The following COL24A1 variants were observed in gnomAD, a reference collection of about 807,000 sequenced individuals.
The protein encoded by COL24A1 is collagen type XXIV alpha 1 chain.
A neutral mutation model predicts 253.9 loss-of-function variants in COL24A1; 224 were observed. The observed-to-expected ratio is 0.88, with a 90% CI of 0.79 to 0.99. The LOEUF is 0.99. Among genes scored for constraint, COL24A1 ranks in the 50% least tolerant of loss-of-function variants. The probability of loss-of-function intolerance (pLI) is 0.00; values close to 1 mark genes in which losing one functional copy is unlikely to be tolerated. For missense variants in COL24A1, 2,131 were observed against 2,068.5 expected, an observed-to-expected ratio of 1.03 and a Z score of -0.59; for synonymous variants, 685 against 673.7, an observed-to-expected ratio of 1.02 and a Z score of -0.26.
intron 7 of COL24A1, among the ~76,000 whole-genome samples, chr1:86,072,012 C>G (rs1701910839): frequency 6.6e-6 from 1 of 152,322 alleles, no homozygotes; most frequent in Admixed American, 6.5e-5. Flanking sequence ...TCTGTGAAAC[C>G]TGCAGACCAG....
At chr1:86,036,164 C>T (rs912647386) in intron 12 of COL24A1, among the ~76,000 whole-genome samples, 1 of 151,586 alleles carries the variant, frequency 6.6e-6, no homozygotes, top group African/African-American at 2.4e-5. Flanking sequence ...TTATTATTAT[C>T]GTTGTCGAGA....
At chr1:85,908,524 A>G in intron 27 of COL24A1, 74 bp downstream of exon 27, 1 of 843,112 alleles carries the variant, frequency 1.2e-6, no homozygotes, top group African/African-American at 1.8e-5. Flanking sequence ...AACCAACAAT[A>G]AAGCATAACA....
At chr1:85,784,767 G>C (rs1168447784) in intron 48 of COL24A1, among the ~76,000 whole-genome samples, 2 of 152,076 alleles carry the variant, frequency 1.3e-5, no homozygotes, top group Non-Finnish European at 2.9e-5. Flanking sequence ...GTCTTGCTCT[G>C]TTGCCCAGGC....
chr1:85,881,244 TATCAA>T (rs111914656), intron 32 of COL24A1, among the ~76,000 whole-genome samples: 151,672 of 151,810 alleles, frequency 1, 75,768 homozygotes, highest in Middle Eastern at 1. Context: ...TATTGATGGA[TATCAA>T]ATCAAATCAA....
At chr1:85,821,697 G>A (rs1673639236) in intron 45 of COL24A1, among the ~76,000 whole-genome samples, 1 of 152,152 alleles carries the variant, frequency 6.6e-6, no homozygotes, top group African/African-American at 2.4e-5. Flanking sequence ...GAACTAGCTT[G>A]CCTGGATTAT....
chr1:85,959,042 C>G (rs749901359), intron 24 of COL24A1, among the ~76,000 whole-genome samples: 3 of 152,010 alleles, frequency 2.0e-5, no homozygotes, highest in Non-Finnish European at 4.4e-5. Flanking sequence ...AATGACTATA[C>G]AAAAAGATTG....
chr1:86,075,060 T>G (rs146550870), intron 7 of COL24A1, among the ~76,000 whole-genome samples: 7,150 of 149,642 alleles, frequency 0.048, 234 homozygotes, highest in Middle Eastern at 0.14. Flanking sequence ...CTGAAGGAGA[T>G]AGAGACACGA....
At chr1:85,904,657 T>C (rs1684633440) in intron 28 of COL24A1, among the ~76,000 whole-genome samples, 3 of 152,198 alleles carry the variant, frequency 2.0e-5, no homozygotes, top group Admixed American at 2.0e-4. Context: ...CCATGTTTCT[T>C]ATCTAAGAAT....
chr1:85,730,647 G>C lies in COL24A1; in HGVS notation c.5044C>G (p.Gln1682Glu). 1 of 1,614,014 alleles carries C rather than the reference G, an allele frequency of 6.2e-7. No individual in the cohort carries two copies. The highest frequency in any genetic ancestry group is 8.5e-7 in the Non-Finnish European group (1 of 1,179,910). ...ATCACTGGAAGTTGATTAGGTTCCTGGGTGTGAAAAAGAAATGTTGCCTTA... is the reference window on the plus strand; with the variant it reads ...ATCACTGGAAGTTGATTAGGTTCCTCGGTGTGAAAAAGAAATGTTGCCTTA... ...WHKATFLFHT[Q>E]EPNQLPVIEV... Residue 1682 changes from glutamine to glutamate, a missense_variant, in exon 60 of 60, where the codon CAG becomes GAG. By Grantham distance (29) the Gln-to-Glu change is conservative (BLOSUM62 2). Transcript: ENST00000370571.
At chr1:85,829,165 T>C (rs1674830906) in intron 43 of COL24A1, among the ~76,000 whole-genome samples, 1 of 149,240 alleles carries the variant, frequency 6.7e-6, no homozygotes, top group Non-Finnish European at 1.5e-5. Context: ...AAGTATTTTA[T>C]TTCTCCTTCA....
In COL24A1 at chr1:85,924,035, T is replaced by C. The variant is rs921571080; in HGVS notation, c.2563-12602A>G. On this transcript the variant is annotated intron_variant, in intron 24 of 59. Coordinates refer to ENST00000370571, the MANE Select transcript of COL24A1 (RefSeq NM_152890.7). ...TACAAACTACCATCAGAGAATACTA[T>C]AAACACCTCTAGGCAAATAAACTAG... 5.3e-5 allele frequency among the ~76,000 whole-genome samples: 8 copies of C among 152,138 alleles called. No homozygotes were observed. In the South Asian group the frequency reaches 1.2e-3, roughly 24 times the overall value.
At position 85,988,256 on chromosome 1, in the gene COL24A1, A is replaced by C. The variant is rs563411673; in HGVS notation, c.2311-602T>G. ...TATGAACCATTATCTTACAAGTTCC[A>C]TCATTAATTAATAAATTGAATAAAA... On this transcript the variant is annotated intron_variant, in intron 19 of 59. Coordinates refer to ENST00000370571, the MANE Select transcript of COL24A1 (RefSeq NM_152890.7). Among the ~76,000 whole-genome samples the C allele has an allele frequency of 1.7e-4, 26 of 152,126 alleles. 2 individuals carry two copies. In the South Asian group the frequency reaches 4.3e-3, roughly 25 times the overall value.
intron 57 of COL24A1, among the ~76,000 whole-genome samples, chr1:85,743,087 T>A (rs965694413): frequency 1.1e-4 from 16 of 152,276 alleles, no homozygotes; most frequent in Middle Eastern, 3.4e-3. Flanking sequence ...AGTAATATTT[T>A]AAAAATCTGA....
At chr1:85,873,189 A>T (rs866429898) in intron 35 of COL24A1, among the ~76,000 whole-genome samples, 4 of 152,196 alleles carry the variant, frequency 2.6e-5, no homozygotes, top group Middle Eastern at 6.8e-3. Flanking sequence ...GAAACAACAA[A>T]TGCTGGAGAG....
At chr1:86,039,717 T>C (rs903137460) in intron 12 of COL24A1, among the ~76,000 whole-genome samples, 1 of 152,192 alleles carries the variant, frequency 6.6e-6, no homozygotes, top group Admixed American at 6.6e-5. Context: ...TGTCTAGAAT[T>C]AGAAACACTA....
chr1:86,016,194 C>G (rs190098015), intron 19 of COL24A1, among the ~76,000 whole-genome samples: 52 of 151,942 alleles, frequency 3.4e-4, no homozygotes, highest in African/African-American at 1.2e-3. Flanking sequence ...CTGTCAATAC[C>G]CAATGTGTTT....
chr1:85,889,218 C>A (rs1682842808), intron 32 of COL24A1, among the ~76,000 whole-genome samples: 1 of 151,934 alleles, frequency 6.6e-6, no homozygotes, highest in Admixed American at 6.6e-5. Flanking sequence ...ATAGAAATTG[C>A]CTCATAAATG....
chr1:86,087,853 C>A (rs1047130724), intron 7 of COL24A1, among the ~76,000 whole-genome samples: 1 of 152,186 alleles, frequency 6.6e-6, no homozygotes, highest in Non-Finnish European at 1.5e-5. Flanking sequence ...GGGCAACCAA[C>A]AATCTCAAGG....
intron 43 of COL24A1, among the ~76,000 whole-genome samples, chr1:85,833,680 G>A (rs1675636570): frequency 6.6e-6 from 1 of 152,020 alleles, no homozygotes; most frequent in Non-Finnish European, 1.5e-5. Context: ...TGTTTATTGT[G>A]GCACTATTCA....
Sources: allele counts gnomAD v4.1 joint callset (sites outside exome capture counted in the v4.1 genomes callset), GRCh38; gene constraint gnomAD v4.1.1; transcripts MANE v1.5; gene names NCBI Gene and HGNC (gene_info 2026-07-23, HGNC 2026-07-21).